The following SH3KBP1 variants were observed in gnomAD, a reference collection of about 807,000 sequenced individuals.
The protein encoded by SH3KBP1 is SH3 domain containing kinase binding protein 1.
In SH3KBP1, 8 loss-of-function variants were observed where a neutral mutation model predicts 50.1. The ratio of observed to expected loss-of-function variants is 0.16; its 90% CI spans 0.09 to 0.29. SH3KBP1 has a LOEUF of 0.29. Among genes scored for constraint, SH3KBP1 ranks in the 10% least tolerant of loss-of-function variants. SH3KBP1 has a pLI of 1.00. For synonymous variants in SH3KBP1, 227 were observed against 218.6 expected (o/e 1.04, Z -0.34); for missense variants, 377 against 535.2 (o/e 0.70, Z 2.92).
At chrX:19,575,252 A>T (rs2066162821) in intron 12 of SH3KBP1, among the ~76,000 whole-genome samples, 1 of 112,315 alleles carries the variant, frequency 8.9e-6, no homozygotes, top group African/African-American at 3.2e-5. Flanking sequence ...GCACTGGATA[A>T]AAGGAAAAAA....
intron 16 of SH3KBP1, among the ~76,000 whole-genome samples, chrX:19,539,146 G>A (rs1327230399): frequency 1.8e-5 from 2 of 112,170 alleles, no homozygotes; most frequent in African/African-American, 6.5e-5. Flanking sequence ...GACACTGCAA[G>A]CATCCAAACA....
chrX:19,579,174 G>A (rs1239453415), intron 12 of SH3KBP1, among the ~76,000 whole-genome samples: 3 of 112,061 alleles, frequency 2.7e-5, no homozygotes, highest in Non-Finnish European at 5.6e-5. Flanking sequence ...GCTGGAAGGT[G>A]ATGGGAAAGT....
intron 5 of SH3KBP1, chrX:19,687,513 A>G: frequency 3.2e-6 from 2 of 629,152 alleles, no homozygotes; most frequent in South Asian, 2.5e-5. Context: ...TCACACAGAC[A>G]CTTGGCATAA....
intron 13 of SH3KBP1, among the ~76,000 whole-genome samples, chrX:19,560,845 G>T (rs916869061): frequency 1.8e-5 from 2 of 110,763 alleles, no homozygotes; most frequent in East Asian, 2.8e-4. Context: ...GGGAAGCGAG[G>T]TGGGAGGATT....
intron 3 of SH3KBP1, among the ~76,000 whole-genome samples, chrX:19,732,975 A>G (rs143130735): frequency 8.9e-6 from 1 of 112,004 alleles, no homozygotes; most frequent in Non-Finnish European, 1.9e-5. Flanking sequence ...ACTTGACTCA[A>G]CAGAGTGACA....
intron 6 of SH3KBP1, among the ~76,000 whole-genome samples, chrX:19,660,704 G>A (rs931224679): frequency 8.9e-6 from 1 of 111,745 alleles, no homozygotes; most frequent in Non-Finnish European, 1.9e-5. Flanking sequence ...AAAACAACAA[G>A]GCATGTGTCT....
chrX:19,623,645 T>C (rs1203321268), intron 8 of SH3KBP1, among the ~76,000 whole-genome samples: 2 of 112,052 alleles, frequency 1.8e-5, no homozygotes, highest in Non-Finnish European at 3.8e-5. Flanking sequence ...GATCACGCCA[T>C]TGCACTCCAG....
intron 8 of SH3KBP1, among the ~76,000 whole-genome samples, chrX:19,617,571 T>C (rs1233117891): frequency 8.9e-6 from 1 of 112,844 alleles, no homozygotes; most frequent in African/African-American, 3.2e-5. Context: ...CATATGTTCC[T>C]TTCTCTAACA....
At chrX:19,623,711 C>T (rs953104981) in intron 8 of SH3KBP1, among the ~76,000 whole-genome samples, 2 of 112,099 alleles carry the variant, frequency 1.8e-5, no homozygotes, top group Admixed American at 1.9e-4. Flanking sequence ...AAAAGTATAT[C>T]CCATGCCACT....
At chrX:19,597,864 A>G (rs2066954144) in intron 9 of SH3KBP1, among the ~76,000 whole-genome samples, 1 of 112,668 alleles carries the variant, frequency 8.9e-6, no homozygotes, top group Non-Finnish European at 1.9e-5. Context: ...TCTAGCTATG[A>G]AAGTCCTAGA....
At chrX:19,682,634 A>C (rs1274972162) in intron 6 of SH3KBP1, among the ~76,000 whole-genome samples, 1 of 110,899 alleles carries the variant, frequency 9.0e-6, no homozygotes, top group Non-Finnish European at 1.9e-5. Flanking sequence ...AATATCATAT[A>C]TTGATTGCTG....
chrX:19,845,242 G>A (rs1305418385), intron 1 of SH3KBP1, among the ~76,000 whole-genome samples: 1 of 111,072 alleles, frequency 9.0e-6, no homozygotes, highest in East Asian at 2.9e-4. Context: ...ACCTTGGGAG[G>A]CCGAGGTGGG....
rs2064792326 is a variant in SH3KBP1 at position 19,742,295 on chromosome X, C to T, written c.286+4023G>A. Among the ~76,000 whole-genome samples the T allele has an allele frequency of 3.6e-5, 4 of 110,408 alleles. No homozygotes were observed. The South Asian group carries it at 1.6e-3, about 43-fold the overall frequency. The stretch of plus-strand genomic sequence containing the variant: ...GTTTTATTTTTTTTAGAGATGGGGT[C>T]TTGCTATGTTGCCCAGGCTGGTCTT... On this transcript the variant is annotated intron_variant, in intron 3 of 17. Coordinates refer to ENST00000397821, the MANE Select transcript of SH3KBP1 (RefSeq NM_031892.3).
At chrX:19,579,503 A>G (rs1033301136) in intron 12 of SH3KBP1, among the ~76,000 whole-genome samples, 1 of 111,911 alleles carries the variant, frequency 8.9e-6, no homozygotes, top group African/African-American at 3.3e-5. Context: ...AGCCCATGGA[A>G]AACACATTCT....
chrX:19,719,725 C>G (rs965991923), intron 3 of SH3KBP1, among the ~76,000 whole-genome samples: 4 of 108,764 alleles, frequency 3.7e-5, no homozygotes, highest in Non-Finnish European at 3.8e-5. Context: ...AAAAGAGAAC[C>G]CTGGGGCCAG....
At chrX:19,807,414 G>A (rs2067080460) in intron 2 of SH3KBP1, among the ~76,000 whole-genome samples, 1 of 111,154 alleles carries the variant, frequency 9.0e-6, no homozygotes, top group East Asian at 2.8e-4. Context: ...CCTTGTTCAC[G>A]CCTCTGGGCA....
intron 2 of SH3KBP1, among the ~76,000 whole-genome samples, chrX:19,803,626 G>C (rs913607700): frequency 1.8e-5 from 2 of 112,157 alleles, no homozygotes; most frequent in East Asian, 5.6e-4. Flanking sequence ...ACAATAGCTT[G>C]AGGAGGGCGA....
At chrX:19,674,564 T>C (rs1395565602) in intron 6 of SH3KBP1, among the ~76,000 whole-genome samples, 1 of 112,012 alleles carries the variant, frequency 8.9e-6, no homozygotes, top group African/African-American at 3.3e-5. Flanking sequence ...CACAAAACAG[T>C]ATCTTCATTC....
chrX:19,542,069 T>C lies in SH3KBP1; in HGVS notation c.1748A>G (p.His583Arg). The stretch of plus-strand genomic sequence containing the variant: ...GAACAGAGACGGGGAGTTGGCTCTG[T>C]GTCCAGCTGTTCCCAAAGAGGATGA... ...PLSSSLGTAG[H>R]RANSPSLFGT... The change falls in exon 16 of 18, where the codon CAC (histidine) becomes CGC (arginine). Residue 583 changes from histidine (H) to arginine (R), a missense_variant. Coordinates refer to ENST00000397821, the MANE Select transcript of SH3KBP1 (RefSeq NM_031892.3). The C allele has an allele frequency of 8.3e-7, 1 of 1,211,867 alleles. No individual in the cohort carries two copies. The highest frequency in any genetic ancestry group is 2.2e-5 in the Admixed American group (1 of 46,085).
Sources: allele counts gnomAD v4.1 joint callset (sites outside exome capture counted in the v4.1 genomes callset), GRCh38; gene constraint gnomAD v4.1.1; transcripts MANE v1.5; gene names NCBI Gene and HGNC (gene_info 2026-07-23, HGNC 2026-07-21).